Variants in TTC28 observed in about 807,000 individuals in gnomAD.
TTC28 encodes the protein tetratricopeptide repeat protein 28.
A neutral mutation model predicts 198.0 loss-of-function variants in TTC28; 61 were observed. The ratio of observed to expected loss-of-function variants is 0.31; its 90% CI spans 0.25 to 0.38. The LOEUF (loss-of-function observed/expected upper bound fraction) is 0.38, where lower values mean the gene tolerates loss of function less well. TTC28 is among the 10% of genes least tolerant of loss of function. The probability of loss-of-function intolerance (pLI) is 1.00; values close to 1 mark genes in which losing one functional copy is unlikely to be tolerated. For missense variants in TTC28, 2,678 were observed against 3,164.0 expected (o/e 0.85, Z 3.69); for synonymous variants, 1,171 against 1,297.8 (o/e 0.90, Z 2.10).
At chr22:28,214,244 C>T (rs1927180815) in intron 5 of TTC28, among the ~76,000 whole-genome samples, 1 of 152,162 alleles carries the variant, frequency 6.6e-6, no homozygotes, top group Admixed American at 6.5e-5. Context: ...GTCTAAAACA[C>T]CAAAAGCAAT....
chr22:28,313,914 G>A (rs2145830406), intron 2 of TTC28, among the ~76,000 whole-genome samples: 1 of 152,298 alleles, frequency 6.6e-6, no homozygotes. Flanking sequence ...AAGAGAGGAG[G>A]TCAAATTGTC....
chr22:28,370,735 C>A (rs1487892634), intron 2 of TTC28, among the ~76,000 whole-genome samples: 3 of 152,046 alleles, frequency 2.0e-5, no homozygotes, highest in African/African-American at 7.2e-5. Context: ...GATGGAGACA[C>A]CCATGGTTCA....
intron 6 of TTC28, among the ~76,000 whole-genome samples, chr22:28,122,206 T>A (rs1313335431): frequency 6.6e-6 from 1 of 152,152 alleles, no homozygotes; most frequent in Non-Finnish European, 1.5e-5. Context: ...AGCTCCCTTT[T>A]ACTTATTCGA....
intron 2 of TTC28, among the ~76,000 whole-genome samples, chr22:28,548,368 C>A (rs1223987551): frequency 3.9e-5 from 6 of 152,182 alleles, no homozygotes; most frequent in Non-Finnish European, 8.8e-5. Context: ...AGCGGAGAGA[C>A]CTTCCAGCCC....
At chr22:28,460,968 G>A (rs2146277691) in intron 2 of TTC28, among the ~76,000 whole-genome samples, 1 of 152,218 alleles carries the variant, frequency 6.6e-6, no homozygotes, top group Admixed American at 6.5e-5. Flanking sequence ...ACAGGCATAA[G>A]CCACCATACC....
At chr22:28,620,130 T>C (rs2050970046) in intron 2 of TTC28, among the ~76,000 whole-genome samples, 1 of 152,054 alleles carries the variant, frequency 6.6e-6, no homozygotes, top group Non-Finnish European at 1.5e-5. Context: ...GGCAGGTGGA[T>C]CACGAGGTCA....
chr22:28,366,775 C>T (rs1025513681), intron 2 of TTC28, among the ~76,000 whole-genome samples: 1 of 151,744 alleles, frequency 6.6e-6, no homozygotes, highest in Non-Finnish European at 1.5e-5. Flanking sequence ...TAAAAAAGAC[C>T]AGGGTTAGCT....
intron 2 of TTC28, among the ~76,000 whole-genome samples, chr22:28,531,081 A>C (rs913731960): frequency 6.6e-6 from 1 of 152,160 alleles, no homozygotes; most frequent in African/African-American, 2.4e-5. Flanking sequence ...ATGTAAATGG[A>C]CTAAATGCTC....
At chr22:28,671,810 G>A (rs1324718950) in intron 1 of TTC28, among the ~76,000 whole-genome samples, 1 of 151,330 alleles carries the variant, frequency 6.6e-6, no homozygotes, top group East Asian at 2.0e-4. Flanking sequence ...CAAGTAACTG[G>A]GATTACAGGC....
At position 28,437,998 on chromosome 22, in the gene TTC28, G is replaced by A. The variant is rs541322171; in HGVS notation, c.382-131355C>T. ...CCCAAGGCCAAGAGTCAAGAGATCC[G>A]CCAGAACCAAAACCTGGGTCTCTTG... On this transcript the variant is annotated intron_variant, in intron 2 of 22. Coordinates refer to ENST00000397906, the MANE Select transcript of TTC28 (RefSeq NM_001145418.2). Among the ~76,000 whole-genome samples, 20 of 152,256 alleles carry A rather than the reference G, an allele frequency of 1.3e-4. No individual in the cohort carries two copies. The South Asian group carries it at 2.7e-3, about 21-fold the overall frequency.
chr22:28,633,329 C>T (rs2051211605), intron 1 of TTC28, among the ~76,000 whole-genome samples: 1 of 149,518 alleles, frequency 6.7e-6, no homozygotes, highest in Admixed American at 6.6e-5. Context: ...ATTTTTTTTT[C>T]AAAAAGAATT....
At chr22:28,083,635 A>C (rs1941445920) in intron 12 of TTC28, among the ~76,000 whole-genome samples, 1 of 152,364 alleles carries the variant, frequency 6.6e-6, no homozygotes, top group Middle Eastern at 3.4e-3. Flanking sequence ...TACTGGGTTC[A>C]TCTCACTGGG....
chr22:28,230,767 G>C (rs1928740651), intron 5 of TTC28, among the ~76,000 whole-genome samples: 1 of 152,146 alleles, frequency 6.6e-6, no homozygotes, highest in Non-Finnish European at 1.5e-5. Context: ...TGTATGGGCA[G>C]AAAAATTTTA....
At chr22:28,443,112 A>C (rs1447488350) in intron 2 of TTC28, 2 of 152,158 alleles carry the variant, frequency 1.3e-5, no homozygotes, top group African/African-American at 2.4e-5. Context: ...CCACGAACAC[A>C]CTTCCCACCA....
At chr22:28,318,715 T>C (rs2045393777) in intron 2 of TTC28, among the ~76,000 whole-genome samples, 1 of 152,088 alleles carries the variant, frequency 6.6e-6, no homozygotes, top group Non-Finnish European at 1.5e-5. Context: ...TTTCTTTTCC[T>C]GTTTTTTCAT....
At position 28,105,666 on chromosome 22, in the gene TTC28, C is replaced by T. The variant is rs1367398629; in HGVS notation, c.2920G>A (p.Glu974Lys). The T allele has an allele frequency of 1.4e-5, 21 of 1,551,750 alleles. No homozygotes were observed. Among genetic ancestry groups the T allele is most frequent in the South Asian group, 3.6e-5 (3 of 84,062 alleles). Residue 974 changes from glutamate to lysine, a missense_variant, in exon 8 of 23, where the codon GAA becomes AAA. Transcript: ENST00000397906. ...GSLHSQLGNY[E>K]QAISCLERQL... is the part of the protein sequence containing the mutation. Reference sequence around the variant, plus strand: ...CGTTCAAGGCAGGAAATGGCTTGTTCGTAATTCCCTAATTGGCTGTGCAGA... The same window carrying T: ...CGTTCAAGGCAGGAAATGGCTTGTTTGTAATTCCCTAATTGGCTGTGCAGA...
chr22:28,336,756 G>A (rs1032608161), intron 2 of TTC28, among the ~76,000 whole-genome samples: 5 of 152,018 alleles, frequency 3.3e-5, no homozygotes, highest in African/African-American at 1.2e-4. Context: ...CTTGCTAGCA[G>A]TCTATCAATT....
chr22:28,062,214 T>C (rs945716380), intron 12 of TTC28, among the ~76,000 whole-genome samples: 18 of 151,920 alleles, frequency 1.2e-4, no homozygotes, highest in African/African-American at 4.4e-4. Flanking sequence ...TGTGCCACCA[T>C]GCCTGGCTAA....
At chr22:28,080,884 A>G (rs12169457) in intron 12 of TTC28, among the ~76,000 whole-genome samples, 6 of 152,062 alleles carry the variant, frequency 3.9e-5, no homozygotes, top group African/African-American at 1.4e-4. Context: ...TAAGGGTCCA[A>G]CGTTTTTCCT....
Sources: gnomAD v4.1 joint callset for allele counts (sites outside exome capture counted in the v4.1 genomes callset) on GRCh38, gnomAD v4.1.1 for gene constraint, MANE v1.5 for transcripts, NCBI Gene and HGNC (gene_info 2026-07-23, HGNC 2026-07-21) for gene names.